The following KAZN variants were observed in gnomAD, a reference collection of about 807,000 sequenced individuals.
KAZN encodes kazrin.
KAZN carries 40 observed loss-of-function variants against 87.4 expected under a neutral mutation model. That is an observed-to-expected ratio of 0.46 (90% CI 0.36 to 0.60). The LOEUF is 0.60. Ranked by LOEUF, KAZN falls within the 20% of genes least tolerant of loss-of-function variation. KAZN has a pLI of 0.00. For synonymous variants in KAZN, 466 were observed against 458.3 expected (o/e 1.02, Z -0.22); for missense variants, 898 against 1,073.9 (o/e 0.84, Z 2.29).
At chr1:14,015,756 C>A (rs1345826092) in intron 1 of KAZN, among the ~76,000 whole-genome samples, 1 of 151,278 alleles carries the variant, frequency 6.6e-6, no homozygotes, top group African/African-American at 2.4e-5. Context: ...ACTAAAAATA[C>A]ATCTACACTT....
intron 1 of KAZN, among the ~76,000 whole-genome samples, chr1:13,990,894 TTTTG>T (rs1218066634): frequency 1.3e-5 from 2 of 152,186 alleles, no homozygotes; most frequent in African/African-American, 4.8e-5. Context: ...CCTTTCAACT[TTTTG>T]TTTGAGTATT....
chr1:14,940,416 G>A (rs1055137950), intron 1 of KAZN, among the ~76,000 whole-genome samples: 1 of 152,236 alleles, frequency 6.6e-6, no homozygotes, highest in Non-Finnish European at 1.5e-5. Context: ...CTTACACACT[G>A]AGTCTGTTTC....
intron 2 of KAZN, among the ~76,000 whole-genome samples, chr1:15,033,006 C>T (rs548504928): frequency 2.0e-5 from 3 of 152,114 alleles, no homozygotes; most frequent in South Asian, 4.1e-4. Context: ...TGTATCTATA[C>T]TGAACATGTA....
chr1:14,492,306 G>A (rs552414335), intron 2 of KAZN, among the ~76,000 whole-genome samples: 23 of 152,130 alleles, frequency 1.5e-4, no homozygotes, highest in East Asian at 7.8e-4. Context: ...ACAGTTGGTC[G>A]CCACCATGAA....
chr1:14,274,939 G>A (rs568438443), intron 2 of KAZN, among the ~76,000 whole-genome samples: 2 of 151,950 alleles, frequency 1.3e-5, no homozygotes, highest in South Asian at 2.1e-4. Flanking sequence ...ATTCAGCAGA[G>A]AAAAGTTAGC....
At chr1:14,455,958 G>A (rs1667544861) in intron 2 of KAZN, among the ~76,000 whole-genome samples, 1 of 152,202 alleles carries the variant, frequency 6.6e-6, no homozygotes, top group Non-Finnish European at 1.5e-5. Flanking sequence ...GAGGCCACAA[G>A]TCAGATGCTA....
chr1:14,370,167 A>G (rs1660358367), intron 2 of KAZN, among the ~76,000 whole-genome samples: 1 of 152,214 alleles, frequency 6.6e-6, no homozygotes, highest in Admixed American at 6.5e-5. Context: ...CCCAGGAACT[A>G]GAGAAGACCA....
chr1:14,453,410 G>A (rs1328070042), intron 2 of KAZN, among the ~76,000 whole-genome samples: 1 of 152,056 alleles, frequency 6.6e-6, no homozygotes, highest in East Asian at 1.9e-4. Context: ...TTCAATTATT[G>A]CTTAATTAAA....
intron 2 of KAZN, among the ~76,000 whole-genome samples, chr1:14,556,407 C>T (rs147544454): frequency 2.4e-4 from 37 of 152,200 alleles, no homozygotes; most frequent in African/African-American, 5.8e-4. Context: ...CCGTGCCCGG[C>T]GGGGGAAGAG....
chr1:14,570,013 C>T (rs1394384081), intron 2 of KAZN, among the ~76,000 whole-genome samples: 2 of 152,072 alleles, frequency 1.3e-5, no homozygotes, highest in African/African-American at 2.4e-5. Context: ...ATTGGGAGGC[C>T]GCGGCAGGAG....
intron 2 of KAZN, among the ~76,000 whole-genome samples, chr1:14,540,825 G>T (rs537059522): frequency 2.0e-4 from 31 of 152,158 alleles, no homozygotes; most frequent in Non-Finnish European, 4.1e-4. Context: ...TCCTCTACAT[G>T]TTAGTAAATT....
At chr1:14,205,376 G>A (rs566506982) in intron 2 of KAZN, among the ~76,000 whole-genome samples, 1 of 152,248 alleles carries the variant, frequency 6.6e-6, no homozygotes, top group African/African-American at 2.4e-5. Flanking sequence ...CAGCAGAAGA[G>A]GAAGCTGTGA....
In KAZN at chr1:14,960,772, G is replaced by A; in HGVS notation, c.315G>A (p.Glu105=). The change falls in exon 2 of 15, where the codon GAG becomes GAA. Residue 105 remains glutamate, a synonymous_variant. Coordinates refer to ENST00000376030, the MANE Select transcript of KAZN (RefSeq NM_201628.3). ...MKEMLAKDLE[E]SQGGKSSEVL... Reference sequence around the variant, plus strand: ...AGATGTTGGCGAAGGACCTGGAGGAGTCGCAGGGCGGCAAGTCCTCTGAGG... The same window carrying A: ...AGATGTTGGCGAAGGACCTGGAGGAATCGCAGGGCGGCAAGTCCTCTGAGG... 6.2e-7 allele frequency: 1 copy of A among 1,608,996 alleles called. No individual in the cohort carries two copies. Among genetic ancestry groups the A allele is most frequent in the Non-Finnish European group, 8.5e-7 (1 of 1,177,946 alleles).
chr1:15,074,077 G>A (rs1273470029), intron 8 of KAZN, among the ~76,000 whole-genome samples: 1 of 152,246 alleles, frequency 6.6e-6, no homozygotes, highest in Non-Finnish European at 1.5e-5. Context: ...GACTCGCTGT[G>A]TGACCACAGC....
rs147885333 is a variant in KAZN at position 14,710,510 on chromosome 1, G to C, written c.226+111287G>C. Among the ~76,000 whole-genome samples the C allele has an allele frequency of 1.5e-4, 23 of 152,186 alleles. No homozygotes were observed. In the East Asian group the frequency reaches 4.5e-3, roughly 30 times the overall value. On this transcript the variant is annotated intron_variant, in intron 1 of 14. Transcript: ENST00000376030. ...CAACATCCCTCTCACCACTGCGTTA[G>C]AGCTTAGCCATACCAGCTCCTATAT...
At position 15,066,504 on chromosome 1, in the gene KAZN, C is replaced by T. The variant is rs895250128; in HGVS notation, c.1222+751C>T. On this transcript the variant is annotated intron_variant, in intron 8 of 14. Coordinates refer to ENST00000376030, the MANE Select transcript of KAZN (RefSeq NM_201628.3). This position sits in a 1 kb window ranked among gnomAD's most constrained non-coding sequence, Gnocchi z 4.3. ...TGGCTGGGTTTGTCAGAGGTCAAAC[C>T]GGCTCTTTTAAACGGCCTACCAGTT... is the stretch of plus-strand genomic sequence containing the variant. The T allele has an allele frequency of 3.6e-5, 35 of 985,358 alleles. No homozygotes were observed. The African/African-American group carries it at 4.7e-4, about 13-fold the overall frequency. The allele number at this position is 985,358 out of a possible 1,614,324, so 61.0% of individuals were successfully genotyped here.
intron 2 of KAZN, among the ~76,000 whole-genome samples, chr1:14,318,394 T>G (rs997392672): frequency 5.9e-5 from 9 of 152,124 alleles, no homozygotes; most frequent in Non-Finnish European, 1.2e-4. Flanking sequence ...CTACGTTGCA[T>G]AGTTTTTGAC....
intron 1 of KAZN, among the ~76,000 whole-genome samples, chr1:14,690,034 G>A (rs1408267547): frequency 6.6e-6 from 1 of 152,124 alleles, no homozygotes; most frequent in Non-Finnish European, 1.5e-5. Context: ...CTCTAAGGCT[G>A]CAGAAATCTC....
chr1:14,505,867 G>A (rs538892114), intron 2 of KAZN, among the ~76,000 whole-genome samples: 6 of 152,130 alleles, frequency 3.9e-5, no homozygotes, highest in South Asian at 2.1e-4. Context: ...CCAGCTACTC[G>A]GGAGGATGAG....
Sources: allele counts gnomAD v4.1 joint callset (sites outside exome capture counted in the v4.1 genomes callset), GRCh38; gene constraint gnomAD v4.1.1; non-coding constraint Gnocchi (gnomAD v3.1); transcripts MANE v1.5; gene names NCBI Gene and HGNC (gene_info 2026-07-23, HGNC 2026-07-21).